The following AHRR variants were observed in gnomAD, a reference collection of about 807,000 sequenced individuals.
AHRR encodes the protein aryl hydrocarbon receptor repressor, also known as ahR repressor.
AHRR carries 28 observed loss-of-function variants against 44.0 expected under a neutral mutation model. The observed-to-expected ratio is 0.64, with a 90% CI of 0.47 to 0.87. AHRR has a LOEUF of 0.87. Among genes scored for constraint, AHRR ranks in the 40% least tolerant of loss-of-function variants. The probability of loss-of-function intolerance (pLI) is 0.00; values close to 1 mark genes in which losing one functional copy is unlikely to be tolerated. For missense variants in AHRR, 990 were observed against 953.9 expected, an observed-to-expected ratio of 1.04 and a Z score of -0.50; for synonymous variants, 434 against 407.0, an observed-to-expected ratio of 1.07 and a Z score of -0.80.
chr5:377,691 G>A (rs1733787106), intron 4 of AHRR, among the ~76,000 whole-genome samples: 1 of 152,218 alleles, frequency 6.6e-6, no homozygotes, highest in Non-Finnish European at 1.5e-5. Flanking sequence ...ACAACCCCCA[G>A]CTCGCTCTAC....
Position 404,115 on chromosome 5 carries a change from G to C in AHRR, c.352-9229G>C. The C allele has an allele frequency of 1.7e-6, 1 of 573,912 alleles. No individual in the cohort carries two copies. Among genetic ancestry groups the C allele is most frequent in the Non-Finnish European group, 3.3e-6 (1 of 301,664 alleles). The allele number at this position is 573,912 out of a possible 1,614,324, so 35.6% of individuals were successfully genotyped here. A position where few individuals can be genotyped will look rare whatever the true frequency, so the allele number is the denominator to read the frequency against. On this transcript the variant is annotated intron_variant, in intron 4 of 10. Coordinates refer to ENST00000684583, the MANE Select transcript of AHRR (RefSeq NM_001377236.1). The surrounding 1 kb of genome is among the most constrained non-coding windows in gnomAD (Gnocchi z 4.1). ...CCGTTGTCAGGGTTGGTCCAGGTTT[G>C]GGGTTACCCTTCTCCGTCTCTCTCA...
chr5:372,782 C>G (rs1241774014), intron 3 of AHRR, among the ~76,000 whole-genome samples: 1 of 152,210 alleles, frequency 6.6e-6, no homozygotes, highest in Non-Finnish European at 1.5e-5. Flanking sequence ...GCTGGACCTG[C>G]CTTCTGGCTC....
At chr5:344,909 GGT>G (rs1560884654) in intron 2 of AHRR, among the ~76,000 whole-genome samples, 1 of 136,208 alleles carries the variant, frequency 7.3e-6, no homozygotes, top group African/African-American at 2.8e-5. Flanking sequence ...TGCGTGTGCA[GGT>G]GTGTGTGGAG....
At position 421,429 on chromosome 5, in the gene AHRR, G is replaced by C. The variant is rs562016763; in HGVS notation, c.442-1300G>C. 5.5e-6 allele frequency: 3 copies of C among 545,018 alleles called. No homozygotes were observed. The African/African-American group carries it at 6.0e-5, about 11-fold the overall frequency. The allele number at this position is 545,018 out of a possible 1,614,324, so 33.8% of individuals were successfully genotyped here. ...GGACTCAGAGGCACAGGCAGAAGCAGCCTCGCGGGTGCCGGCGATGCCCTG... is the reference window on the plus strand; with the variant it reads ...GGACTCAGAGGCACAGGCAGAAGCACCCTCGCGGGTGCCGGCGATGCCCTG... On this transcript the variant is annotated intron_variant, in intron 5 of 10. Coordinates refer to ENST00000684583, the MANE Select transcript of AHRR (RefSeq NM_001377236.1).
intron 5 of AHRR, among the ~76,000 whole-genome samples, chr5:415,327 A>AGGCCTAGGGGCCGAG (rs1735684220): frequency 8.3e-6 from 1 of 121,186 alleles, no homozygotes; most frequent in Non-Finnish European, 1.9e-5. Flanking sequence ...TAGGGGCCGA[A>AGGCCTAGGGGCCGAG]TCTGCCTGGT....
intron 4 of AHRR, among the ~76,000 whole-genome samples, chr5:380,051 A>T (rs1311023481): frequency 2.0e-5 from 3 of 152,192 alleles, no homozygotes; most frequent in Non-Finnish European, 4.4e-5. Flanking sequence ...TTTGCATGTG[A>T]CTATCCAGAT....
chr5:432,360 A>G (rs1736769040), intron 8 of AHRR, 103 bp from the exon 9 acceptor site: 6 of 1,127,152 alleles, frequency 5.3e-6, no homozygotes, highest in South Asian at 1.3e-5. Context: ...CAGGTGTGAC[A>G]GCAATACCTG....
intron 4 of AHRR, among the ~76,000 whole-genome samples, chr5:408,982 A>G (rs1735374319): frequency 6.6e-6 from 1 of 152,164 alleles, no homozygotes; most frequent in Non-Finnish European, 1.5e-5. Context: ...TCCCACTTTT[A>G]TTCAATCACT....
chr5:423,039 C>G (rs949601084), intron 6 of AHRR, among the ~76,000 whole-genome samples, 181 bp downstream of exon 6: 1 of 152,174 alleles, frequency 6.6e-6, no homozygotes, highest in Non-Finnish European at 1.5e-5. Flanking sequence ...TCCTCTGATT[C>G]GGCTGCCACA....
At chr5:324,771 A>G (rs1220035396) in intron 1 of AHRR, among the ~76,000 whole-genome samples, 3 of 152,190 alleles carry the variant, frequency 2.0e-5, no homozygotes, top group Non-Finnish European at 4.4e-5. Flanking sequence ...CCTGGGCAAC[A>G]AGAGTGAAAC....
rs773539616 is a variant in AHRR, at chr5:403,039, AG to A, written c.352-10300del. Among the ~76,000 whole-genome samples, 434 of 152,102 alleles carry A rather than the reference AG, an allele frequency of 2.9e-3. 1 individual carries two copies. Among genetic ancestry groups the A allele is most frequent in the Non-Finnish European group, 4.5e-3 (303 of 67,994 alleles). ...GGTTACCAGGGGCCGGGGGTGTGGG[AG>A]GGGGATAAAGAAGGAAGGAAGGAAA... On this transcript the variant is annotated intron_variant, in intron 4 of 10. Coordinates refer to ENST00000684583, the MANE Select transcript of AHRR (RefSeq NM_001377236.1).
chr5:331,586 T>G (rs1473765783), intron 1 of AHRR, among the ~76,000 whole-genome samples: 1 of 152,174 alleles, frequency 6.6e-6, no homozygotes, highest in African/African-American at 2.4e-5. Flanking sequence ...ACTTTTTTGA[T>G]ATAGACATTT....
At chr5:380,691 A>G (rs1733944037) in intron 4 of AHRR, among the ~76,000 whole-genome samples, 1 of 152,220 alleles carries the variant, frequency 6.6e-6, no homozygotes, top group African/African-American at 2.4e-5. Flanking sequence ...TGCTAAACTC[A>G]TTAGTAGTCA....
chr5:353,856 GC>G lies in AHRR; in HGVS notation c.190del (p.Leu64PhefsTer13), dbSNP rs1742948470. ...CTGACATCATCTCCAAGCTGGACAA[GC>G]TTTCTGTCCTGCGCCTCAGTGTCAG... ...PPDIISKLDK[L>X]SVLRLSVSYL... On this transcript the variant is annotated frameshift_variant, in exon 3 of 11. Transcript: ENST00000684583. The G allele has an allele frequency of 1.2e-6, 2 of 1,614,020 alleles. No individual in the cohort carries two copies. The highest frequency in any genetic ancestry group is 1.7e-5 in the Admixed American group (1 of 60,004).
chr5:340,688 A>ATATATATATATTT (rs1269938749), intron 1 of AHRR, among the ~76,000 whole-genome samples: 1 of 12,916 alleles, frequency 7.7e-5, no homozygotes, highest in Admixed American at 1.3e-3. Flanking sequence ...ATATATATAT[A>ATATATATATATTT]TTTTTTTTTT....
chr5:351,385 T>C (rs1371747323), intron 2 of AHRR, among the ~76,000 whole-genome samples: 4 of 152,140 alleles, frequency 2.6e-5, no homozygotes. Flanking sequence ...GATAAAGCAA[T>C]GTGGCCTCTC....
intron 3 of AHRR, among the ~76,000 whole-genome samples, chr5:359,933 T>C (rs1431976755): frequency 1.3e-5 from 2 of 152,216 alleles, no homozygotes; most frequent in African/African-American, 2.4e-5. Flanking sequence ...CCTGAAGTTA[T>C]ACTTTATTAA....
At chr5:422,178 C>T (rs557974169) in intron 5 of AHRR, among the ~76,000 whole-genome samples, 5 of 152,240 alleles carry the variant, frequency 3.3e-5, no homozygotes, top group Admixed American at 2.0e-4. Flanking sequence ...CAGCCTCTGT[C>T]GCCAGACATG....
At chr5:349,977 A>C (rs889697493) in intron 2 of AHRR, among the ~76,000 whole-genome samples, 1 of 152,184 alleles carries the variant, frequency 6.6e-6, no homozygotes, top group African/African-American at 2.4e-5. Flanking sequence ...TTTTCTATTC[A>C]TTTATACTTC....
Sources: allele counts gnomAD v4.1 joint callset (sites outside exome capture counted in the v4.1 genomes callset), GRCh38; gene constraint gnomAD v4.1.1; non-coding constraint Gnocchi (gnomAD v3.1); transcripts MANE v1.5; gene names NCBI Gene and HGNC (gene_info 2026-07-23, HGNC 2026-07-21).